COL25A1: variants seen among roughly 807,000 people sequenced by gnomAD.
COL25A1 encodes the protein collagen type XXV alpha 1 chain, also known as collagen alpha-1(XXV) chain.
A neutral mutation model predicts 128.4 loss-of-function variants in COL25A1; 103 were observed. That is an observed-to-expected ratio of 0.80 (90% CI 0.68 to 0.94). The LOEUF (loss-of-function observed/expected upper bound fraction) is 0.94, where lower values mean the gene tolerates loss of function less well. COL25A1 is among the 40% of genes least tolerant of loss of function. The pLI is 0.00. For synonymous variants in COL25A1, 279 were observed against 277.2 expected, an observed-to-expected ratio of 1.01 and a Z score of -0.06; for missense variants, 745 against 840.0, an observed-to-expected ratio of 0.89 and a Z score of 1.40.
At chr4:109,026,100 GCACACA>G (rs56718544) in intron 5 of COL25A1, among the ~76,000 whole-genome samples, 58 of 137,148 alleles carry the variant, frequency 4.2e-4, no homozygotes, top group East Asian at 1.9e-3. Context: ...AAAACACTTT[GCACACA>G]CACACACACA....
chr4:108,889,306 T>TA, intron 17 of COL25A1, 50 bp from the exon 18 acceptor site: 1 of 1,587,466 alleles, frequency 6.3e-7, no homozygotes, highest in Non-Finnish European at 8.6e-7. Context: ...AAGAATTTTC[T>TA]AAAACACTTA....
rs144175387 is a variant in COL25A1 at position 109,022,101 on chromosome 4, C to A, written c.421-11726G>T. ...TGTGACCTACTCCCTGTTCGTACAC[C>A]CCCTCCCCTTTTGAAATCCCTAATA... is the stretch of plus-strand genomic sequence containing the variant. On this transcript the variant is annotated intron_variant, in intron 5 of 37. Coordinates refer to ENST00000399132, the MANE Select transcript of COL25A1 (RefSeq NM_198721.4). 1.2e-3 allele frequency: 537 copies of A among 450,856 alleles called. 1 individual carries two copies. The highest frequency in any genetic ancestry group is 9.6e-3 in the African/African-American group (479 of 49,992). 27.9% of individuals were successfully genotyped at this position (450,856 alleles called of 1,614,324 possible).
At chr4:108,882,633 A>C (rs547015848) in intron 19 of COL25A1, among the ~76,000 whole-genome samples, 1 of 152,306 alleles carries the variant, frequency 6.6e-6, no homozygotes, top group South Asian at 2.1e-4. Flanking sequence ...CTATAATATG[A>C]AACCACCTAT....
chr4:109,094,695 CA>C (rs1441278047), intron 3 of COL25A1, among the ~76,000 whole-genome samples: 1 of 152,122 alleles, frequency 6.6e-6, no homozygotes, highest in African/African-American at 2.4e-5. Context: ...TACATTTTGG[CA>C]ATACACTTCA....
intron 5 of COL25A1, among the ~76,000 whole-genome samples, chr4:109,034,174 T>C (rs1219309276): frequency 6.6e-6 from 1 of 152,182 alleles, no homozygotes; most frequent in African/African-American, 2.4e-5. Context: ...TCATTATTCT[T>C]AAGAAACTGA....
intron 14 of COL25A1, among the ~76,000 whole-genome samples, chr4:108,899,847 T>G (rs191005277): frequency 6.6e-6 from 1 of 152,070 alleles, no homozygotes; most frequent in African/African-American, 2.4e-5. Context: ...CTGGATAGCA[T>G]GAGGACTAAA....
chr4:108,967,130 T>G (rs1751399982), intron 8 of COL25A1, among the ~76,000 whole-genome samples: 1 of 152,164 alleles, frequency 6.6e-6, no homozygotes, highest in South Asian at 2.1e-4. Context: ...ATTTAAATTT[T>G]CTAAGTCTTG....
chr4:109,035,784 TCAAG>T (rs1182707736), intron 5 of COL25A1, among the ~76,000 whole-genome samples: 1 of 152,126 alleles, frequency 6.6e-6, no homozygotes, highest in Non-Finnish European at 1.5e-5. Context: ...TTGTACAAGG[TCAAG>T]CAATTTTTCA....
chr4:109,078,741 G>T (rs568646133), intron 3 of COL25A1, among the ~76,000 whole-genome samples: 7 of 152,296 alleles, frequency 4.6e-5, no homozygotes, highest in Admixed American at 2.6e-4. Context: ...ATCTAGCATG[G>T]ACTGTGTTGT....
At chr4:108,988,375 A>G (rs761925289) in intron 6 of COL25A1, among the ~76,000 whole-genome samples, 1 of 152,212 alleles carries the variant, frequency 6.6e-6, no homozygotes, top group African/African-American at 2.4e-5. Context: ...AAAGACACAG[A>G]TATCTGTGTA....
chr4:108,974,669 C>A, intron 6 of COL25A1, 110 bp from the exon 7 acceptor site: 1 of 877,812 alleles, frequency 1.1e-6, no homozygotes, highest in South Asian at 1.9e-5. Flanking sequence ...AGATAGCTGT[C>A]AATGAGGTTT....
chr4:109,085,069 C>A (rs1764231061), intron 3 of COL25A1, among the ~76,000 whole-genome samples: 1 of 152,156 alleles, frequency 6.6e-6, no homozygotes. Flanking sequence ...TTCTGTGACA[C>A]CAAATGATCC....
Position 108,876,064 on chromosome 4 carries a change from G to A in COL25A1, c.1021-6914C>T, listed in dbSNP as rs991962076. Among the ~76,000 whole-genome samples, 14 of 152,080 alleles carry A rather than the reference G, an allele frequency of 9.2e-5. 1 individual carries two copies. The South Asian group carries it at 1.7e-3, about 18-fold the overall frequency. ...ACACCACACACCGGGGCCTGTCAGC[G>A]GGTGGAGGGCTGGGGGAGGGATAGC... On this transcript the variant is annotated intron_variant, in intron 19 of 37. Transcript: ENST00000399132.
intron 3 of COL25A1, among the ~76,000 whole-genome samples, chr4:109,084,686 C>T (rs376090131): frequency 8.5e-5 from 13 of 152,204 alleles, no homozygotes; most frequent in African/African-American, 3.1e-4. Context: ...ATGTTTAAGC[C>T]CATATTCCAT....
intron 3 of COL25A1, among the ~76,000 whole-genome samples, chr4:109,205,914 C>T (rs1776947660): frequency 6.6e-6 from 1 of 152,048 alleles, no homozygotes; most frequent in South Asian, 2.1e-4. Flanking sequence ...CCCCAGATTC[C>T]ATGACCCCAG....
At chr4:109,263,453 T>C (rs1198019572) in intron 3 of COL25A1, among the ~76,000 whole-genome samples, 2 of 152,034 alleles carry the variant, frequency 1.3e-5, no homozygotes, top group Non-Finnish European at 2.9e-5. Flanking sequence ...AAGGAAAACT[T>C]GGTAATGATA....
At chr4:109,082,167 CCATTGTATG>C (rs1306302874) in intron 3 of COL25A1, among the ~76,000 whole-genome samples, 3 of 152,172 alleles carry the variant, frequency 2.0e-5, no homozygotes, top group Non-Finnish European at 4.4e-5. Context: ...GAGTACTATT[CCATTGTATG>C]CAAATACAAA....
intron 3 of COL25A1, among the ~76,000 whole-genome samples, chr4:109,161,909 T>A (rs1274695835): frequency 1.3e-5 from 2 of 152,188 alleles, no homozygotes; most frequent in African/African-American, 4.8e-5. Flanking sequence ...AAGAAGTAGT[T>A]CACTCCAAAT....
At chr4:109,168,212 C>T (rs1773253601) in intron 3 of COL25A1, among the ~76,000 whole-genome samples, 1 of 152,142 alleles carries the variant, frequency 6.6e-6, no homozygotes, top group Admixed American at 6.6e-5. Context: ...GTATATCCCT[C>T]TGAACTCTTC....
Sources: allele counts gnomAD v4.1 joint callset (sites outside exome capture counted in the v4.1 genomes callset), GRCh38; gene constraint gnomAD v4.1.1; transcripts MANE v1.5; gene names NCBI Gene and HGNC (gene_info 2026-07-23, HGNC 2026-07-21).